Variants in CADM1 observed in about 807,000 individuals in gnomAD.
The protein encoded by CADM1 is TSLC-1.
CADM1 carries 15 observed loss-of-function variants against 53.1 expected under a neutral mutation model. The ratio of observed to expected loss-of-function variants is 0.28; its 90% confidence interval spans 0.19 to 0.44. The LOEUF (loss-of-function observed/expected upper bound fraction) is 0.44, where lower values mean the gene tolerates loss of function less well. CADM1 is among the 20% of genes least tolerant of loss of function. The pLI is 1.00. For missense variants in CADM1, 434 were observed against 611.3 expected (o/e 0.71, Z 3.06); for synonymous variants, 281 against 243.0 (o/e 1.16, Z -1.45).
chr11:115,395,342 A>G (rs533142770), intron 1 of CADM1, among the ~76,000 whole-genome samples: 1 of 152,318 alleles, frequency 6.6e-6, no homozygotes, highest in East Asian at 1.9e-4. Flanking sequence ...AGATAAAGGG[A>G]AAAGGAAAGA....
intron 1 of CADM1, among the ~76,000 whole-genome samples, chr11:115,300,968 AT>A (rs1345713395): frequency 1.3e-5 from 2 of 151,988 alleles, no homozygotes; most frequent in Admixed American, 6.6e-5. Flanking sequence ...TGAGCAAAGC[AT>A]TTTGCCTCCA....
At chr11:115,408,977 A>G (rs978215014) in intron 1 of CADM1, among the ~76,000 whole-genome samples, 1 of 152,104 alleles carries the variant, frequency 6.6e-6, no homozygotes. Flanking sequence ...GCAAATACCA[A>G]CTCTAGTTGC....
chr11:115,211,021 G>A (rs538178892), intron 7 of CADM1, among the ~76,000 whole-genome samples: 4 of 142,310 alleles, frequency 2.8e-5, no homozygotes, highest in Non-Finnish European at 4.8e-5. Flanking sequence ...CCTCACGTGA[G>A]TCCAAAAAAG....
intron 1 of CADM1, among the ~76,000 whole-genome samples, chr11:115,433,038 T>C (rs529015738): frequency 1.3e-5 from 2 of 152,234 alleles, no homozygotes; most frequent in East Asian, 3.9e-4. Flanking sequence ...AAGTTCAAGA[T>C]CCCTTTAATA....
chr11:115,223,342 A>C (rs1217426294), intron 5 of CADM1, among the ~76,000 whole-genome samples: 1 of 152,126 alleles, frequency 6.6e-6, no homozygotes, highest in Non-Finnish European at 1.5e-5. Flanking sequence ...ATCAGAAAGG[A>C]TGTTGTTTGA....
At chr11:115,469,358 G>A (rs1050143372) in intron 1 of CADM1, among the ~76,000 whole-genome samples, 3 of 152,138 alleles carry the variant, frequency 2.0e-5, no homozygotes, top group African/African-American at 7.2e-5. Flanking sequence ...AACTCTATGA[G>A]GTGGATGCCA....
At chr11:115,198,807 A>G (rs1367473250) in intron 8 of CADM1, among the ~76,000 whole-genome samples, 1 of 152,236 alleles carries the variant, frequency 6.6e-6, no homozygotes, top group Non-Finnish European at 1.5e-5. Context: ...GGACTGCGAC[A>G]GAAAAGCTCA....
chr11:115,487,033 T>C (rs951861151), intron 1 of CADM1, among the ~76,000 whole-genome samples: 1 of 152,232 alleles, frequency 6.6e-6, no homozygotes, highest in South Asian at 2.1e-4. Context: ...CAAATAAGTA[T>C]TCTTTGTTAC....
rs71066424 is a variant in CADM1, at chr11:115,413,644, C to CTTTTTTTTTTTTTTT, written c.124+90626_124+90627insAAAAAAAAAAAAAAA. On this transcript the variant is annotated intron_variant, in intron 1 of 11. Transcript: ENST00000331581. ...CAGGGAGTGTGGCTCCAGCTCAGTTCTTTTTTTTTTTTTTCTCTGAGACAG... is the reference window on the plus strand; with the variant it reads ...CAGGGAGTGTGGCTCCAGCTCAGTTCTTTTTTTTTTTTTTTTTTTTTTTTTTTTTCTCTGAGACAG... Among the ~76,000 whole-genome samples the CTTTTTTTTTTTTTTT allele has an allele frequency of 4.3e-3, 521 of 120,824 alleles. 42 individuals are homozygous for CTTTTTTTTTTTTTTT. The highest frequency in any genetic ancestry group is 8.8e-3 in the African/African-American group (297 of 33,914). 79.3% of individuals were successfully genotyped at this position (120,824 alleles called of 152,430 possible).
At chr11:115,364,392 T>C (rs1446130666) in intron 1 of CADM1, among the ~76,000 whole-genome samples, 1 of 152,178 alleles carries the variant, frequency 6.6e-6, no homozygotes, top group Non-Finnish European at 1.5e-5. Context: ...TTAATTTTCC[T>C]TTTTAAGTAA....
chr11:115,310,428 T>C (rs1944501216), intron 1 of CADM1, among the ~76,000 whole-genome samples: 1 of 152,128 alleles, frequency 6.6e-6, no homozygotes, highest in Non-Finnish European at 1.5e-5. Context: ...TTGAGCCTAC[T>C]TGTATCTAGC....
At chr11:115,425,505 C>T (rs182647701) in intron 1 of CADM1, among the ~76,000 whole-genome samples, 3 of 152,198 alleles carry the variant, frequency 2.0e-5, no homozygotes, top group African/African-American at 4.8e-5. Context: ...CGCATCGTAA[C>T]GAGACATCTC....
At position 115,393,258 on chromosome 11, in the gene CADM1, T is replaced by G. The variant is rs575085076; in HGVS notation, c.124+111013A>C. ...TCTGAACTAGGCATGGTAATATGCA[T>G]GGAAGGTGAAAAATATTAATATCAA... On this transcript the variant is annotated intron_variant, in intron 1 of 11. Coordinates refer to ENST00000331581, the MANE Select transcript of CADM1 (RefSeq NM_001301043.2). Among the ~76,000 whole-genome samples the G allele has an allele frequency of 3.3e-5, 5 of 151,774 alleles. No individual in the cohort carries two copies. The South Asian group carries it at 8.3e-4, about 25-fold the overall frequency.
chr11:115,482,392 A>T (rs182444910), intron 1 of CADM1, among the ~76,000 whole-genome samples: 29 of 152,302 alleles, frequency 1.9e-4, no homozygotes, highest in African/African-American at 6.5e-4. Context: ...CATCTTTGTA[A>T]ACCTAGTGCT....
In CADM1 at chr11:115,435,020, C is replaced by A. The variant is rs558283332; in HGVS notation, c.124+69251G>T. Reference sequence around the variant, plus strand: ...GGATTACAGGCGTGTACCACCATGCCCAGCTAATTTTAGTATTTTTAGTAG... The same window carrying A: ...GGATTACAGGCGTGTACCACCATGCACAGCTAATTTTAGTATTTTTAGTAG... On this transcript the variant is annotated intron_variant, in intron 1 of 11. Coordinates refer to ENST00000331581, the MANE Select transcript of CADM1 (RefSeq NM_001301043.2). Among the ~76,000 whole-genome samples, 7 of 151,824 alleles carry A rather than the reference C, an allele frequency of 4.6e-5. No homozygotes were observed. In the South Asian group the frequency reaches 1.5e-3, roughly 32 times the overall value.
chr11:115,191,537 C>T lies in CADM1; in HGVS notation c.1112-596G>A, dbSNP rs1328405872. ...AATGGTATTCCTGAAAAATAAAACCCTCAAAGCTGAAAAAGCAGTTAGGTC... is the reference window on the plus strand; with the variant it reads ...AATGGTATTCCTGAAAAATAAAACCTTCAAAGCTGAAAAAGCAGTTAGGTC... On this transcript the variant is annotated intron_variant, in intron 9 of 11. Transcript: ENST00000331581. 4.6e-5 allele frequency among the ~76,000 whole-genome samples: 7 copies of T among 152,100 alleles called. No homozygotes were observed. The East Asian group carries it at 1.3e-3, about 29-fold the overall frequency.
chr11:115,476,388 C>T (rs1949131690), intron 1 of CADM1, among the ~76,000 whole-genome samples: 1 of 152,128 alleles, frequency 6.6e-6, no homozygotes, highest in Non-Finnish European at 1.5e-5. Context: ...TGTAACTATA[C>T]TAGAATGATT....
chr11:115,190,677 T>C (rs1284654905), intron 10 of CADM1: 2 of 559,090 alleles, frequency 3.6e-6, no homozygotes, highest in East Asian at 2.9e-5. Flanking sequence ...GTTAATTAAA[T>C]TGTCCCCATT....
rs147859676 is a variant in CADM1, at chr11:115,378,940, G to A, written c.124+125331C>T. Among the ~76,000 whole-genome samples, 771 of 152,252 alleles carry A rather than the reference G, an allele frequency of 5.1e-3. 10 individuals carry two copies. The highest frequency in any genetic ancestry group is 0.018 in the African/African-American group (739 of 41,560). Reference sequence around the variant, plus strand: ...TTCCTAACCTTTGATGGCACATTACGTGAGCTAGCCCCATCTTCACCCCTT... The same window carrying A: ...TTCCTAACCTTTGATGGCACATTACATGAGCTAGCCCCATCTTCACCCCTT... On this transcript the variant is annotated intron_variant, in intron 1 of 11. Transcript: ENST00000331581.
Sources: allele counts gnomAD v4.1 joint callset (sites outside exome capture counted in the v4.1 genomes callset), GRCh38; gene constraint gnomAD v4.1.1; transcripts MANE v1.5; gene names NCBI Gene and HGNC (gene_info 2026-07-23, HGNC 2026-07-21).